The following VPS35L variants were observed in gnomAD, a reference collection of about 807,000 sequenced individuals.
The protein encoded by VPS35L is VPS35 endosomal protein-sorting factor-like.
VPS35L carries 83 observed loss-of-function variants against 133.0 expected under a neutral mutation model. The observed-to-expected ratio is 0.62, with a 90% confidence interval of 0.52 to 0.75. VPS35L has a LOEUF of 0.75. Among genes scored for constraint, VPS35L ranks in the 30% least tolerant of loss-of-function variants. The pLI, the probability that VPS35L is intolerant of heterozygous loss-of-function variation, is 0.00. For missense variants in VPS35L, 1,083 were observed against 1,206.8 expected (o/e 0.90, Z 1.52); for synonymous variants, 423 against 449.9 (o/e 0.94, Z 0.76).
chr16:19,700,564 G>T lies in VPS35L; in HGVS notation c.*88G>T, dbSNP rs1253363458. On this transcript the variant is annotated 3_prime_UTR_variant, in exon 31 of 31. Transcript: ENST00000417362. The stretch of plus-strand genomic sequence containing the variant: ...GCCCTGAACTCTTACGGCAATTTAG[G>T]TTTCTCATTTTTCTTTTCTTTTTAC... 1 of 1,143,126 alleles carries T rather than the reference G, an allele frequency of 8.7e-7. No homozygotes were observed. Among genetic ancestry groups the T allele is most frequent in the African/African-American group, 1.6e-5 (1 of 64,116 alleles). The allele number at this position is 1,143,126 out of a possible 1,614,324, so 70.8% of individuals were successfully genotyped here.
intron 28 of VPS35L, among the ~76,000 whole-genome samples, chr16:19,689,168 G>A (rs1376799745): frequency 2.6e-5 from 4 of 151,280 alleles, no homozygotes; most frequent in South Asian, 2.1e-4. Flanking sequence ...TAGTAGAGAC[G>A]GGGTTTCACC....
At chr16:19,572,554 C>G (rs1260750528) in intron 3 of VPS35L, among the ~76,000 whole-genome samples, 1 of 152,236 alleles carries the variant, frequency 6.6e-6, no homozygotes, top group African/African-American at 2.4e-5. Flanking sequence ...GCCAGCCTGA[C>G]ATCAGCCAGC....
intron 28 of VPS35L, among the ~76,000 whole-genome samples, chr16:19,684,868 C>A (rs543209977): frequency 5.9e-5 from 9 of 152,134 alleles, no homozygotes; most frequent in African/African-American, 1.9e-4. Flanking sequence ...GCTAGCCTGA[C>A]CAACATGGCG....
Position 19,608,278 on chromosome 16 carries a change from TC to T in VPS35L, c.881+6del. The T allele has an allele frequency of 2.0e-6, 3 of 1,516,216 alleles. No individual in the cohort carries two copies. The highest frequency in any genetic ancestry group is 1.8e-5 in the African/African-American group (1 of 55,854). The allele number at this position is 1,516,216 out of a possible 1,614,324, so 93.9% of individuals were successfully genotyped here. A position where few individuals can be genotyped will look rare whatever the true frequency, so the allele number is the denominator to read the frequency against. The stretch of plus-strand genomic sequence containing the variant: ...TCAGGGAACTCATTCCAAGATTGTA[TC>T]CTTTTTTTTTTTTTTGGTCTGATGA... On this transcript the variant is annotated splice_donor_5th_base_variant and intron_variant, in intron 10 of 30. Transcript: ENST00000417362.
At chr16:19,666,872 T>TTTTCCTTC (rs1974679690) in intron 26 of VPS35L, among the ~76,000 whole-genome samples, 1 of 106,258 alleles carries the variant, frequency 9.4e-6, no homozygotes, top group Non-Finnish European at 1.9e-5. Context: ...AGGGCCATGT[T>TTTTCCTTC]TTTCTTTCTT....
At chr16:19,592,634 C>T (rs577240539) in intron 8 of VPS35L, among the ~76,000 whole-genome samples, 5 of 152,048 alleles carry the variant, frequency 3.3e-5, no homozygotes, top group African/African-American at 1.2e-4. Flanking sequence ...TTCTTCGGTT[C>T]AGCCTCCTAA....
At chr16:19,573,706 A>G (rs1394891210) in intron 4 of VPS35L, among the ~76,000 whole-genome samples, 2 of 152,114 alleles carry the variant, frequency 1.3e-5, no homozygotes, top group African/African-American at 4.8e-5. Flanking sequence ...CTAGCTACTC[A>G]GGAGGTTGAG....
At chr16:19,588,077 G>T (rs1971928017) in intron 7 of VPS35L, among the ~76,000 whole-genome samples, 1 of 151,602 alleles carries the variant, frequency 6.6e-6, no homozygotes, top group East Asian at 2.0e-4. Context: ...TGGGATTAAA[G>T]GCATGAGCCA....
chr16:19,609,800 T>A (rs2151546336), intron 11 of VPS35L, among the ~76,000 whole-genome samples: 1 of 152,224 alleles, frequency 6.6e-6, no homozygotes, highest in East Asian at 1.9e-4. Context: ...GAAACATTAT[T>A]TTGCCTCACC....
chr16:19,669,269 C>T lies in VPS35L; in HGVS notation c.2331C>T (p.Cys777=), dbSNP rs1222993996. The change falls in exon 27 of 31, where the codon TGC becomes TGT. Residue 777 remains cysteine (C), a synonymous_variant. Coordinates refer to ENST00000417362, the MANE Select transcript of VPS35L (RefSeq NM_020314.7). The part of the protein sequence containing the change: ...PSESFLLEFL[C]NFFSTLLIVP... ...AATCGTTCCTTCTGGAATTCCTCTG[C>T]AATTTCTTTTCTACTTTATTAATAG... 5.6e-6 allele frequency: 9 copies of T among 1,612,720 alleles called. No individual in the cohort carries two copies. The highest frequency in any genetic ancestry group is 1.7e-6 in the Non-Finnish European group (2 of 1,179,158).
intron 5 of VPS35L, among the ~76,000 whole-genome samples, chr16:19,575,823 C>G (rs1425972415): frequency 7.8e-6 from 1 of 128,492 alleles, no homozygotes; most frequent in East Asian, 2.4e-4. Context: ...AGATTGCACT[C>G]CAGCCTGGGC....
intron 13 of VPS35L, 147 bp from the exon 14 acceptor site, chr16:19,616,538 TA>T (rs60979764): frequency 0.046 from 37,393 of 810,370 alleles, 2 homozygotes; most frequent in South Asian, 0.068. Flanking sequence ...TTTTTTGGTT[TA>T]AAAAAAAAAA....
At chr16:19,601,487 CTA>C in intron 8 of VPS35L, 175 bp from the exon 9 acceptor site, 1 of 593,762 alleles carries the variant, frequency 1.7e-6, no homozygotes, top group East Asian at 3.0e-5. Flanking sequence ...ACTGGAAAAA[CTA>C]AAAACAAAAC....
chr16:19,584,516 A>T (rs1487839641), intron 7 of VPS35L, among the ~76,000 whole-genome samples: 1 of 151,808 alleles, frequency 6.6e-6, no homozygotes, highest in Non-Finnish European at 1.5e-5. Flanking sequence ...AATCTCAGCT[A>T]CTTGGGAAGC....
chr16:19,638,120 G>T (rs181273614), intron 20 of VPS35L, among the ~76,000 whole-genome samples: 9 of 152,312 alleles, frequency 5.9e-5, no homozygotes, highest in African/African-American at 1.9e-4. Context: ...TGCGATGTCT[G>T]TTCGAGTTTG....
Position 19,610,305 on chromosome 16 carries a change from G to C in VPS35L, c.930-17G>C, listed in dbSNP as rs772692495. 11 of 1,610,246 alleles carry C rather than the reference G, an allele frequency of 6.8e-6. No homozygotes were observed. The highest frequency in any genetic ancestry group is 9.3e-6 in the Non-Finnish European group (11 of 1,176,938). ...CTCACGTCGAATATAATGCTGGCCT[G>C]TTTTTGTCTCTTGCAGGGGAATTTC... On this transcript the variant is annotated splice_polypyrimidine_tract_variant and intron_variant, in intron 11 of 30. Coordinates refer to ENST00000417362, the MANE Select transcript of VPS35L (RefSeq NM_020314.7).
intron 29 of VPS35L, among the ~76,000 whole-genome samples, chr16:19,696,409 G>A (rs8063310): frequency 1.3e-5 from 2 of 151,978 alleles, no homozygotes; most frequent in Non-Finnish European, 1.5e-5. Flanking sequence ...GGTAGCAACC[G>A]TGCTTCCAAA....
intron 7 of VPS35L, 63 bp downstream of exon 7, chr16:19,581,716 T>G: frequency 6.4e-7 from 1 of 1,561,346 alleles, no homozygotes; most frequent in Non-Finnish European, 8.7e-7. Context: ...ACTGTGAGAC[T>G]TAGAGTTTTC....
At chr16:19,606,668 G>A (rs546916346) in intron 9 of VPS35L, among the ~76,000 whole-genome samples, 1 of 152,272 alleles carries the variant, frequency 6.6e-6, no homozygotes, top group East Asian at 1.9e-4. Flanking sequence ...CAGAATCAGG[G>A]ATGAAAATGA....
Sources: gnomAD v4.1 joint callset for allele counts (sites outside exome capture counted in the v4.1 genomes callset) on GRCh38, gnomAD v4.1.1 for gene constraint, MANE v1.5 for transcripts, NCBI Gene and HGNC (gene_info 2026-07-23, HGNC 2026-07-21) for gene names.